ARHGAP29: variants seen among roughly 807,000 people sequenced by gnomAD.
The protein encoded by ARHGAP29 is Rho GTPase activating protein 29.
In ARHGAP29, 43 loss-of-function variants were observed where a neutral mutation model predicts 122.6. That is an observed-to-expected ratio of 0.35 (90% CI 0.27 to 0.45). ARHGAP29 has a LOEUF of 0.45. ARHGAP29 is among the 20% of genes least tolerant of loss of function. The pLI, the probability that ARHGAP29 is intolerant of heterozygous loss-of-function variation, is 1.00. For synonymous variants in ARHGAP29, 506 were observed against 497.1 expected, an observed-to-expected ratio of 1.02 and a Z score of -0.24; for missense variants, 1,303 against 1,477.2, an observed-to-expected ratio of 0.88 and a Z score of 1.93.
upstream of ARHGAP29, among the ~76,000 whole-genome samples, chr1:94,240,647 AT>A (rs970383845): frequency 7.9e-5 from 12 of 152,192 alleles, no homozygotes; most frequent in Admixed American, 2.0e-4. Flanking sequence ...GCAACATATA[AT>A]TTTTTTTAAA....
intron 12 of ARHGAP29, chr1:94,195,340 T>C (rs1216667017): frequency 1.3e-5 from 2 of 152,244 alleles, no homozygotes; most frequent in African/African-American, 4.8e-5. Context: ...ATTCAGTTTA[T>C]GACAGTGGTG....
chr1:94,228,413 G>A (rs1156928822), intron 2 of ARHGAP29, among the ~76,000 whole-genome samples: 1 of 151,696 alleles, frequency 6.6e-6, no homozygotes, highest in Admixed American at 6.6e-5. Context: ...TCTGGTACAA[G>A]TGCCTCATTC....
chr1:94,303,106 GT>G, the ARHGAP29 span: 1 of 154,992 alleles, frequency 6.5e-6, no homozygotes. Context: ...CTGCCACACA[GT>G]CCTCCACCAC....
chr1:94,186,767 G>A (rs1331305342), intron 15 of ARHGAP29, among the ~76,000 whole-genome samples, 170 bp from the exon 16 acceptor site: 1 of 152,044 alleles, frequency 6.6e-6, no homozygotes, highest in Non-Finnish European at 1.5e-5. Flanking sequence ...ACTCATTCCT[G>A]GGAACAAAAA....
chr1:94,233,344 T>C (rs966105657), intron 1 of ARHGAP29, among the ~76,000 whole-genome samples: 1 of 152,090 alleles, frequency 6.6e-6, no homozygotes, highest in Non-Finnish European at 1.5e-5. Flanking sequence ...CCCAACTCCA[T>C]AGTTCATTTT....
chr1:94,312,355 GTTTTTTTTTT>G, the ARHGAP29 span, among the ~76,000 whole-genome samples: 6 of 88,800 alleles, frequency 6.8e-5, no homozygotes, highest in East Asian at 3.8e-4. Context: ...ATTTTTATTT[GTTTTTTTTTT>G]TTTTTTTTTG....
At chr1:94,228,609 T>C (rs1441463895) in intron 2 of ARHGAP29, among the ~76,000 whole-genome samples, 1 of 151,792 alleles carries the variant, frequency 6.6e-6, no homozygotes, top group African/African-American at 2.4e-5. Context: ...AAGTTATACA[T>C]ACATCTCATC....
Position 94,266,582 on chromosome 1 carries a change from C to G in ARHGAP29, c.-33+8430G>C, listed in dbSNP as rs150552065. ...ATACTATGGCCTTTGCTTCTTTTCA[C>G]CTGCATTGTGGTGGGGCTCAGGGTG... On this transcript the variant is annotated intron_variant and NMD_transcript_variant, in intron 1 of 25. Coordinates refer to the ARHGAP29 transcript ENST00000552844. Among the ~76,000 whole-genome samples, 244 of 152,232 alleles carry G rather than the reference C, an allele frequency of 1.6e-3. 1 individual carries two copies. Among genetic ancestry groups the G allele is most frequent in the Non-Finnish European group, 2.6e-3 (174 of 68,024 alleles).
intron 21 of ARHGAP29, 48 bp from the exon 22 acceptor site, chr1:94,177,768 T>G: frequency 6.3e-7 from 1 of 1,575,150 alleles, no homozygotes; most frequent in Non-Finnish European, 8.7e-7. Flanking sequence ...AAACATAACC[T>G]CAAAATAAAC....
At chr1:94,267,953 A>AT (rs1012884577) in intron 1 of ARHGAP29, among the ~76,000 whole-genome samples, 4 of 152,202 alleles carry the variant, frequency 2.6e-5, no homozygotes, top group African/African-American at 4.8e-5. Flanking sequence ...AAATAACTAC[A>AT]TTTTTTTGGC....
rs149609586 is a variant in ARHGAP29 at position 94,212,419 on chromosome 1, C to T, written c.341-3069G>A. ...ATTGCACCATTGTTTATTATACAAT[C>T]GTACCTCAATAAAGCTGTTTATAAA... On this transcript the variant is annotated intron_variant, in intron 3 of 22. Coordinates refer to ENST00000260526, the MANE Select transcript of ARHGAP29 (RefSeq NM_004815.4). 1.6e-3 allele frequency among the ~76,000 whole-genome samples: 243 copies of T among 152,186 alleles called. 3 individuals are homozygous for T. Among genetic ancestry groups the T allele is most frequent in the African/African-American group, 5.4e-3 (226 of 41,546 alleles).
At chr1:94,253,643 C>T (rs1020943561) in intron 1 of ARHGAP29, among the ~76,000 whole-genome samples, 1 of 149,850 alleles carries the variant, frequency 6.7e-6, no homozygotes, top group Non-Finnish European at 1.5e-5. Flanking sequence ...CACACACGCA[C>T]GCACGCACGC....
rs777580055 is a variant in ARHGAP29, at chr1:94,177,766, C to G, written c.2797-46G>C. The G allele has an allele frequency of 1.9e-6, 3 of 1,575,164 alleles. No individual in the cohort carries two copies. The South Asian group carries it at 3.5e-5, about 18-fold the overall frequency. On this transcript the variant is annotated intron_variant, in intron 21 of 22. Coordinates refer to ENST00000260526, the MANE Select transcript of ARHGAP29 (RefSeq NM_004815.4). ...TTAAAATGGAAGAAGTAAAACATAA[C>G]CTCAAAATAAACAGTTCAAAGATCT...
chr1:94,206,467 T>C (rs116022655), intron 5 of ARHGAP29, among the ~76,000 whole-genome samples: 2,047 of 152,324 alleles, frequency 0.013, 18 homozygotes, highest in Non-Finnish European at 0.022. Context: ...GACACTGGGC[T>C]ACATATTTTA....
At chr1:94,195,045 G>A (rs948791731) in intron 12 of ARHGAP29, 2 of 152,148 alleles carry the variant, frequency 1.3e-5, no homozygotes, top group African/African-American at 4.8e-5. Flanking sequence ...ATTAGAGGGA[G>A]ATTTTCTCGG....
rs1048866 is a variant in ARHGAP29 at position 94,173,155 on chromosome 1, C to T, written c.*714G>A. ...TGAAAAACTATCAAATGTATTAAAA[C>T]CATCTAAAGCCAAATATAATATAAC... On this transcript the variant is annotated 3_prime_UTR_variant, in exon 23 of 23. Coordinates refer to ENST00000260526, the MANE Select transcript of ARHGAP29 (RefSeq NM_004815.4). The T allele has an allele frequency of 0.33, 50,220 of 152,350 alleles. 8,507 individuals carry two copies. Among genetic ancestry groups the T allele is most frequent in the South Asian group, 0.43 (2,077 of 4,818 alleles). The allele number at this position is 152,350 out of a possible 1,614,324, so 9.4% of individuals were successfully genotyped here.
At chr1:94,287,418 C>T in the ARHGAP29 span, among the ~76,000 whole-genome samples, 1 of 152,100 alleles carries the variant, frequency 6.6e-6, no homozygotes, top group African/African-American at 2.4e-5. Flanking sequence ...TTTGCTTCCC[C>T]TTTCCCTTCC....
chr1:94,200,602 G>C (rs1353111426), intron 12 of ARHGAP29, among the ~76,000 whole-genome samples: 3 of 152,144 alleles, frequency 2.0e-5, no homozygotes. Context: ...AAAATATTCT[G>C]CGGCTCTATT....
Position 94,173,715 on chromosome 1 carries a change from T to C in ARHGAP29, c.*154A>G, listed in dbSNP as rs956925801. On this transcript the variant is annotated 3_prime_UTR_variant, in exon 23 of 23. Coordinates refer to ENST00000260526, the MANE Select transcript of ARHGAP29 (RefSeq NM_004815.4). ...TATCAAAACATTCTACCATTCAGTA[T>C]TACCAACAGAGGATAAATACAACAA... is the stretch of plus-strand genomic sequence containing the variant. 9 of 847,984 alleles carry C rather than the reference T, an allele frequency of 1.1e-5. No homozygotes were observed. The highest frequency in any genetic ancestry group is 1.4e-5 in the Non-Finnish European group (8 of 553,276). 52.5% of individuals were successfully genotyped at this position (847,984 alleles called of 1,614,324 possible).
Sources: allele counts gnomAD v4.1 joint callset (sites outside exome capture counted in the v4.1 genomes callset), GRCh38; gene constraint gnomAD v4.1.1; transcripts MANE v1.5; gene names NCBI Gene and HGNC (gene_info 2026-07-23, HGNC 2026-07-21).